Variants in ACAD11 observed in about 807,000 individuals in gnomAD.
ACAD11 encodes the protein acyl-Coenzyme A dehydrogenase family, member 11.
ACAD11 carries 83 observed loss-of-function variants against 102.2 expected under a neutral mutation model. The observed-to-expected ratio is 0.81, with a 90% CI of 0.68 to 0.97. ACAD11 has a LOEUF of 0.97. Among genes scored for constraint, ACAD11 ranks in the 50% least tolerant of loss-of-function variants. The probability of loss-of-function intolerance (pLI) is 0.00; values close to 1 mark genes in which losing one functional copy is unlikely to be tolerated. For missense variants in ACAD11, 901 were observed against 951.7 expected, an observed-to-expected ratio of 0.95 and a Z score of 0.70; for synonymous variants, 324 against 319.8, an observed-to-expected ratio of 1.01 and a Z score of -0.14.
intron 13 of ACAD11, among the ~76,000 whole-genome samples, chr3:132,591,505 T>C (rs556024182): frequency 4.0e-4 from 61 of 152,350 alleles, no homozygotes; most frequent in African/African-American, 1.4e-3. Context: ...CTTTGAACCC[T>C]GGTCTAAAGC....
chr3:132,622,875 T>C (rs56772913), intron 9 of ACAD11, among the ~76,000 whole-genome samples: 9,884 of 152,220 alleles, frequency 0.065, 1,084 homozygotes, highest in African/African-American at 0.22. Flanking sequence ...ATGTTTTTCA[T>C]TTTAAACTGA....
At chr3:132,653,824 G>A (rs1937637180) in intron 1 of ACAD11, among the ~76,000 whole-genome samples, 1 of 151,930 alleles carries the variant, frequency 6.6e-6, no homozygotes, top group Non-Finnish European at 1.5e-5. Flanking sequence ...TTAATATTGG[G>A]GTGCCTTGGA....
chr3:132,604,890 T>C, intron 12 of ACAD11: 1 of 431,536 alleles, frequency 2.3e-6, no homozygotes. Flanking sequence ...GAACATCATC[T>C]GATATTCTAA....
intron 13 of ACAD11, among the ~76,000 whole-genome samples, chr3:132,587,030 G>C (rs1937869870): frequency 6.6e-6 from 1 of 152,134 alleles, no homozygotes; most frequent in Admixed American, 6.5e-5. Context: ...GGAGGCAGAG[G>C]CTGCAGTGAG....
chr3:132,562,303 C>A (rs1461514718), intron 17 of ACAD11, among the ~76,000 whole-genome samples: 1 of 152,118 alleles, frequency 6.6e-6, no homozygotes, highest in Non-Finnish European at 1.5e-5. Flanking sequence ...CAGGGTTTCA[C>A]CATATTGGCC....
At chr3:132,559,197 C>T (rs1006542679) in intron 19 of ACAD11, 112 bp from the exon 20 acceptor site, 6 of 788,632 alleles carry the variant, frequency 7.6e-6, no homozygotes, top group African/African-American at 7.0e-5. Context: ...TTAAATTCCA[C>T]CAAGGTCAGG....
At chr3:132,599,987 C>T (rs1432904996) in intron 13 of ACAD11, among the ~76,000 whole-genome samples, 5 of 151,990 alleles carry the variant, frequency 3.3e-5, no homozygotes, top group East Asian at 1.9e-4. Flanking sequence ...TATACTTTTA[C>T]GATTCACAAA....
chr3:132,634,973 G>T (rs147830346), intron 5 of ACAD11, among the ~76,000 whole-genome samples: 2 of 151,258 alleles, frequency 1.3e-5, no homozygotes, highest in Non-Finnish European at 1.5e-5. Context: ...GTTAATGGGT[G>T]CAGCACACCA....
chr3:132,579,652 T>G (rs1266686903), intron 13 of ACAD11, 94 bp from the exon 14 acceptor site: 2 of 939,580 alleles, frequency 2.1e-6, no homozygotes, highest in Non-Finnish European at 3.4e-6. Flanking sequence ...TTTACCTATG[T>G]CAGAAAACAA....
At position 132,578,739 on chromosome 3, in the gene ACAD11, C is replaced by G. The variant is rs1226099220; in HGVS notation, c.1774+57G>C. ...TAAAATGCTATTGCCTTCAATGTTA[C>G]TGCATATTCTAGCCTTCCTGCTTGC... On this transcript the variant is annotated intron_variant, in intron 15 of 19. Transcript: ENST00000264990. 3 of 1,570,264 alleles carry G rather than the reference C, an allele frequency of 1.9e-6. No homozygotes were observed. In the African/African-American group the frequency reaches 4.1e-5, roughly 21 times the overall value.
chr3:132,584,320 T>C (rs1937704686), intron 13 of ACAD11, among the ~76,000 whole-genome samples: 1 of 152,204 alleles, frequency 6.6e-6, no homozygotes, highest in Admixed American at 6.5e-5. Flanking sequence ...GTAATGGCCT[T>C]CTTTGTCTCT....
At chr3:132,651,208 C>A (rs1348433579) in intron 1 of ACAD11, among the ~76,000 whole-genome samples, 1 of 152,124 alleles carries the variant, frequency 6.6e-6, no homozygotes, top group Non-Finnish European at 1.5e-5. Context: ...TAAATTCTTC[C>A]CTCAGCTTTG....
intron 17 of ACAD11, among the ~76,000 whole-genome samples, chr3:132,562,347 C>T (rs892528642): frequency 2.0e-5 from 3 of 152,304 alleles, no homozygotes; most frequent in African/African-American, 4.8e-5. Flanking sequence ...TTGTGATCTG[C>T]CTGCCTCGGC....
At position 132,586,154 on chromosome 3, in the gene ACAD11, C is replaced by T. The variant is rs1280192571; in HGVS notation, c.1622-6596G>A. Reference sequence around the variant, plus strand: ...GGCACATATACACCATGGAATAGTACACAGCCATAAAAAATGATGAGTTCA... The same window carrying T: ...GGCACATATACACCATGGAATAGTATACAGCCATAAAAAATGATGAGTTCA... On this transcript the variant is annotated intron_variant, in intron 13 of 19. Transcript: ENST00000264990. 1.4e-4 allele frequency among the ~76,000 whole-genome samples: 22 copies of T among 152,098 alleles called. 1 individual carries two copies. Among genetic ancestry groups the T allele is most frequent in the Admixed American group, 5.9e-4 (9 of 15,266 alleles).
chr3:132,618,200 C>A (rs1316082681), intron 11 of ACAD11: 1 of 157,518 alleles, frequency 6.3e-6, no homozygotes, highest in Non-Finnish European at 1.4e-5. Context: ...ACTGATATAT[C>A]ATTGTGAGAA....
rs914073952 is a variant in ACAD11 at position 132,613,777 on chromosome 3, T to G, written c.1414+4857A>C. ...AGTCGGGCATGGTGGCAGGCTCCTG[T>G]GATCCCAGCTACTCAGTAGGCTGAG... On this transcript the variant is annotated intron_variant, in intron 11 of 19. Transcript: ENST00000264990. Among the ~76,000 whole-genome samples, 7 of 151,984 alleles carry G rather than the reference T, an allele frequency of 4.6e-5. 1 individual carries two copies. The highest frequency in any genetic ancestry group is 1.7e-4 in the African/African-American group (7 of 41,278).
At chr3:132,579,062 A>T in intron 14 of ACAD11, 181 bp from the exon 15 acceptor site, 1 of 1,500,616 alleles carries the variant, frequency 6.7e-7, no homozygotes, top group East Asian at 2.6e-5. Flanking sequence ...GTGATCTGGA[A>T]CAGAAACAAT....
intron 13 of ACAD11, among the ~76,000 whole-genome samples, chr3:132,596,442 A>G (rs1241385122): frequency 1.2e-4 from 19 of 152,170 alleles, no homozygotes; most frequent in Non-Finnish European, 1.5e-5. Context: ...TTTAAAAAAG[A>G]GAAAAATAGA....
At chr3:132,626,918 A>G in intron 8 of ACAD11, 101 bp from the exon 9 acceptor site, 1 of 1,188,524 alleles carries the variant, frequency 8.4e-7, no homozygotes, top group East Asian at 2.6e-5. Context: ...TACCCAAAAA[A>G]CATCCCCCAG....
Sources: allele counts gnomAD v4.1 joint callset (sites outside exome capture counted in the v4.1 genomes callset), GRCh38; gene constraint gnomAD v4.1.1; transcripts MANE v1.5; gene names NCBI Gene and HGNC (gene_info 2026-07-23, HGNC 2026-07-21).